ZFHX3: variants seen among roughly 807,000 people sequenced by gnomAD.
ZFHX3 encodes the protein zinc finger homeobox 3.
Under a neutral mutation model 279.1 loss-of-function variants are expected in ZFHX3, and 42 were observed. That is an observed-to-expected ratio of 0.15 (90% CI 0.12 to 0.19). The LOEUF is 0.19. Among genes scored for constraint, ZFHX3 ranks in the 10% least tolerant of loss-of-function variants. ZFHX3 has a pLI of 1.00. For missense variants in ZFHX3, 4,981 were observed against 4,754.0 expected (o/e 1.05, Z -1.40); for synonymous variants, 2,293 against 1,957.8 (o/e 1.17, Z -4.52).
At chr16:72,885,886 C>T (rs1322200104) in intron 4 of ZFHX3, among the ~76,000 whole-genome samples, 1 of 152,106 alleles carries the variant, frequency 6.6e-6, no homozygotes, top group Non-Finnish European at 1.5e-5. Flanking sequence ...AAAAGGTGCA[C>T]CAAGACTTCC....
rs1002236613 is a variant in ZFHX3, at chr16:72,783,414, A to T, written c.*3750T>A. 8.5e-5 allele frequency: 13 copies of T among 152,282 alleles called. No homozygotes were observed. The highest frequency in any genetic ancestry group is 2.1e-4 in the South Asian group (1 of 4,810). 9.4% of individuals were successfully genotyped at this position (152,282 alleles called of 1,614,324 possible). On this transcript the variant is annotated 3_prime_UTR_variant, in exon 10 of 10. Coordinates refer to ENST00000268489, the MANE Select transcript of ZFHX3 (RefSeq NM_006885.4). ...TTTAAAATGTTTTAATTTATTATTT[A>T]AAAAAAATATATGTCCATGAACATC...
At chr16:73,010,819 CACAGAG>C (rs1963887474) in intron 1 of ZFHX3, among the ~76,000 whole-genome samples, 2 of 152,140 alleles carry the variant, frequency 1.3e-5, no homozygotes, top group African/African-American at 4.8e-5. Context: ...TATTTTTTTA[CACAGAG>C]ACAGAGTCTT....
intron 3 of ZFHX3, among the ~76,000 whole-genome samples, chr16:73,336,422 G>T (rs1233293557): frequency 1.5e-5 from 2 of 129,082 alleles, no homozygotes; most frequent in Non-Finnish European, 3.1e-5. Context: ...TGTGTCTATT[G>T]TTCCCTTCTT....
At chr16:73,321,791 C>G (rs1002901476) in intron 3 of ZFHX3, among the ~76,000 whole-genome samples, 3 of 152,228 alleles carry the variant, frequency 2.0e-5, no homozygotes, top group African/African-American at 7.2e-5. Flanking sequence ...TCCCTCTCCC[C>G]CAAAGGGTAG....
intron 2 of ZFHX3, among the ~76,000 whole-genome samples, chr16:73,475,084 C>T (rs1001537788): frequency 3.9e-5 from 6 of 152,214 alleles, no homozygotes; most frequent in African/African-American, 1.2e-4. Flanking sequence ...TGCTCTCTGA[C>T]TCTTCGATCC....
intron 2 of ZFHX3, among the ~76,000 whole-genome samples, chr16:72,952,232 C>G (rs1281251295): frequency 1.3e-5 from 2 of 152,182 alleles, no homozygotes; most frequent in African/African-American, 4.8e-5. Context: ...GAGCAGGACC[C>G]TGTCTCAAAA....
chr16:73,883,837 G>A (rs1251707719), intron 1 of ZFHX3, among the ~76,000 whole-genome samples: 1 of 152,082 alleles, frequency 6.6e-6, no homozygotes, highest in East Asian at 1.9e-4. Flanking sequence ...TACTGCCAAG[G>A]TCTCCATAAG....
At chr16:73,423,861 CAAAAAA>C (rs34917527) in intron 3 of ZFHX3, among the ~76,000 whole-genome samples, 3 of 136,730 alleles carry the variant, frequency 2.2e-5, no homozygotes, top group Admixed American at 7.4e-5. Context: ...GACTCCATCT[CAAAAAA>C]AAAAAAAAAA....
intron 1 of ZFHX3, among the ~76,000 whole-genome samples, chr16:73,039,830 C>A (rs889614838): frequency 6.6e-6 from 1 of 152,174 alleles, no homozygotes; most frequent in Non-Finnish European, 1.5e-5. Flanking sequence ...CCATGCACAA[C>A]CCAAGCAAAT....
intron 2 of ZFHX3, among the ~76,000 whole-genome samples, chr16:73,459,513 C>A (rs1473592243): frequency 6.6e-6 from 1 of 152,152 alleles, no homozygotes; most frequent in African/African-American, 2.4e-5. Flanking sequence ...CAGGCACATG[C>A]CAACACACCA....
intron 1 of ZFHX3, among the ~76,000 whole-genome samples, chr16:73,803,181 G>A (rs763158728): frequency 2.0e-5 from 3 of 152,190 alleles, no homozygotes; most frequent in African/African-American, 2.4e-5. Context: ...GCAAAGATAC[G>A]AGTAGAAATT....
chr16:73,030,477 G>C (rs1964657623), intron 1 of ZFHX3, among the ~76,000 whole-genome samples: 1 of 152,330 alleles, frequency 6.6e-6, no homozygotes, highest in Non-Finnish European at 1.5e-5. Context: ...CAGGAGATTA[G>C]AAATATCGGC....
intron 1 of ZFHX3, among the ~76,000 whole-genome samples, chr16:73,728,138 G>A (rs1441469718): frequency 6.6e-6 from 1 of 150,868 alleles, no homozygotes; most frequent in Non-Finnish European, 1.5e-5. Context: ...CCTTAGGATG[G>A]ACTTAATTCC....
chr16:73,641,093 G>T (rs766547902), intron 2 of ZFHX3, among the ~76,000 whole-genome samples: 1 of 152,166 alleles, frequency 6.6e-6, no homozygotes, highest in Admixed American at 6.5e-5. Context: ...TACACCCACA[G>T]TATCGACCTA....
chr16:73,461,564 T>C (rs765801972), intron 2 of ZFHX3, among the ~76,000 whole-genome samples: 15 of 152,252 alleles, frequency 9.9e-5, no homozygotes, highest in Non-Finnish European at 2.1e-4. Flanking sequence ...TTTTCATGTA[T>C]GGTGTAAACC....
At chr16:73,578,595 C>G (rs1045133994) in intron 2 of ZFHX3, among the ~76,000 whole-genome samples, 2 of 151,798 alleles carry the variant, frequency 1.3e-5, no homozygotes, top group African/African-American at 4.8e-5. Context: ...ATTTCACAGA[C>G]AAGGAAACAG....
At chr16:73,212,740 G>A (rs1423078738) in intron 5 of ZFHX3, among the ~76,000 whole-genome samples, 1 of 152,134 alleles carries the variant, frequency 6.6e-6, no homozygotes, top group Non-Finnish European at 1.5e-5. Flanking sequence ...TAAAATTCTT[G>A]CAGAGTATTG....
intron 1 of ZFHX3, among the ~76,000 whole-genome samples, chr16:73,830,125 C>A (rs1224311520): frequency 7.6e-6 from 1 of 131,008 alleles, no homozygotes. Flanking sequence ...TTTTTTAAGC[C>A]GGTCTGAAAA....
intron 3 of ZFHX3, chr16:73,387,040 A>T (rs1010821095): frequency 3.3e-5 from 5 of 152,226 alleles, no homozygotes; most frequent in African/African-American, 1.2e-4. Context: ...AAGAGCAGCC[A>T]TCTTGCTTAA....
Sources: gnomAD v4.1 joint callset for allele counts (sites outside exome capture counted in the v4.1 genomes callset) on GRCh38, gnomAD v4.1.1 for gene constraint, MANE v1.5 for transcripts, NCBI Gene and HGNC (gene_info 2026-07-23, HGNC 2026-07-21) for gene names.